Variants in IL1RAPL2 observed in about 807,000 individuals in gnomAD.
IL1RAPL2 encodes the protein interleukin 1 receptor accessory protein like 2.
IL1RAPL2 carries 3 observed loss-of-function variants against 44.1 expected under a neutral mutation model. That is an observed-to-expected ratio of 0.07 (90% CI 0.03 to 0.18). IL1RAPL2 has a LOEUF of 0.18. IL1RAPL2 is among the 10% of genes least tolerant of loss of function. The pLI, the probability that IL1RAPL2 is intolerant of heterozygous loss-of-function variation, is 1.00. For missense variants in IL1RAPL2, 391 were observed against 496.4 expected (o/e 0.79, Z 2.02); for synonymous variants, 181 against 178.8 (o/e 1.01, Z -0.10).
At chrX:105,523,991 AG>A (rs1325880346) in intron 6 of IL1RAPL2, among the ~76,000 whole-genome samples, 1 of 111,704 alleles carries the variant, frequency 9.0e-6, no homozygotes, top group Non-Finnish European at 1.9e-5. Flanking sequence ...AGCTCATCTC[AG>A]GTTTGAATCT....
intron 2 of IL1RAPL2, among the ~76,000 whole-genome samples, chrX:105,108,633 A>C (rs1209971269): frequency 1.1e-5 from 1 of 93,074 alleles, no homozygotes; most frequent in Non-Finnish European, 2.2e-5. Context: ...GAGCCATGGC[A>C]ACCAGCCAAG....
At chrX:104,849,520 C>T (rs1403280782) in intron 2 of IL1RAPL2, among the ~76,000 whole-genome samples, 3 of 107,596 alleles carry the variant, frequency 2.8e-5, no homozygotes, top group Non-Finnish European at 5.8e-5. Flanking sequence ...TAAGTAATAG[C>T]CTTAAATATA....
At chrX:104,902,842 G>A (rs1357117164) in intron 2 of IL1RAPL2, among the ~76,000 whole-genome samples, 3 of 111,364 alleles carry the variant, frequency 2.7e-5, no homozygotes, top group Non-Finnish European at 3.8e-5. Context: ...AGTGAGAAAG[G>A]CATTAGGCAT....
At chrX:104,910,010 G>A (rs934584558) in intron 2 of IL1RAPL2, among the ~76,000 whole-genome samples, 5 of 112,632 alleles carry the variant, frequency 4.4e-5, no homozygotes, top group African/African-American at 6.5e-5. Context: ...GCGAGACTCC[G>A]TGGTTGTAGG....
intron 2 of IL1RAPL2, among the ~76,000 whole-genome samples, chrX:105,044,279 C>A (rs950354580): frequency 9.0e-6 from 1 of 111,204 alleles, no homozygotes; most frequent in South Asian, 3.8e-4. Context: ...CTACCAGATC[C>A]TCCCAAGTGT....
intron 2 of IL1RAPL2, among the ~76,000 whole-genome samples, chrX:105,016,853 CTCTT>C (rs1227167456): frequency 9.0e-6 from 1 of 111,404 alleles, no homozygotes; most frequent in Non-Finnish European, 1.9e-5. Context: ...AGGATTCTCT[CTCTT>C]TCTGTTGTTT....
chrX:105,277,849 G>GA (rs1388645090), intron 5 of IL1RAPL2, among the ~76,000 whole-genome samples: 4 of 106,199 alleles, frequency 3.8e-5, no homozygotes, highest in Admixed American at 1.0e-4. Flanking sequence ...GAGGATCACT[G>GA]AAAAAAAAAG....
intron 2 of IL1RAPL2, among the ~76,000 whole-genome samples, chrX:104,840,980 A>G (rs1422163297): frequency 9.9e-5 from 11 of 111,062 alleles, no homozygotes; most frequent in African/African-American, 3.6e-4. Flanking sequence ...ATGAGCCACC[A>G]CGCCCAGCCT....
chrX:105,214,875 G>A (rs1472225688), intron 3 of IL1RAPL2, among the ~76,000 whole-genome samples: 2 of 111,983 alleles, frequency 1.8e-5, no homozygotes, highest in South Asian at 7.4e-4. Context: ...GGTAAATAAC[G>A]AAATTATGGC....
At chrX:104,773,310 A>G (rs571139412) in intron 2 of IL1RAPL2, among the ~76,000 whole-genome samples, 2 of 112,158 alleles carry the variant, frequency 1.8e-5, no homozygotes, top group South Asian at 7.5e-4. Flanking sequence ...TATCTATATA[A>G]TAATATTGTT....
In IL1RAPL2 at chrX:105,181,346, T is replaced by C. The variant is rs782687185; in HGVS notation, c.83-14129T>C. ...AGTTCTGTTCTGATCTTTTTATTTC[T>C]TTCCTTCTGCTAATTTGGGGCTTGG... On this transcript the variant is annotated intron_variant, in intron 2 of 10. Transcript: ENST00000372582. Among the ~76,000 whole-genome samples, 5 of 112,062 alleles carry C rather than the reference T, an allele frequency of 4.5e-5. No homozygotes were observed. The East Asian group carries it at 8.4e-4, about 19-fold the overall frequency.
chrX:104,934,959 T>C (rs141299774), intron 2 of IL1RAPL2, among the ~76,000 whole-genome samples: 3 of 112,192 alleles, frequency 2.7e-5, no homozygotes, highest in Non-Finnish European at 5.6e-5. Context: ...TGGATTTCAA[T>C]GAGATCAGTA....
At chrX:104,952,261 T>A (rs1370265783) in intron 2 of IL1RAPL2, among the ~76,000 whole-genome samples, 1 of 112,142 alleles carries the variant, frequency 8.9e-6, no homozygotes, top group African/African-American at 3.2e-5. Flanking sequence ...TGCTTTACTC[T>A]GAAGTGACTC....
intron 2 of IL1RAPL2, among the ~76,000 whole-genome samples, chrX:105,146,063 C>G (rs1034834065): frequency 1.8e-5 from 2 of 111,401 alleles, no homozygotes; most frequent in Non-Finnish European, 3.8e-5. Flanking sequence ...AAGCCCTCAC[C>G]AGACACAAAA....
At position 105,504,994 on chromosome X, in the gene IL1RAPL2, A is replaced by G. The variant is rs753789463; in HGVS notation, c.772+20607A>G. Among the ~76,000 whole-genome samples, 5 of 111,203 alleles carry G rather than the reference A, an allele frequency of 4.5e-5. No homozygotes were observed. The East Asian group carries it at 1.1e-3, about 26-fold the overall frequency. ...CCAGTAAATAGAGGTGTAGCATACA[A>G]GTCTATTGTAATTCCTATATCCTTA... On this transcript the variant is annotated intron_variant, in intron 6 of 10. Coordinates refer to ENST00000372582, the MANE Select transcript of IL1RAPL2 (RefSeq NM_017416.2).
At chrX:105,156,856 T>C (rs1481895570) in intron 2 of IL1RAPL2, among the ~76,000 whole-genome samples, 2 of 111,420 alleles carry the variant, frequency 1.8e-5, no homozygotes, top group Non-Finnish European at 3.8e-5. Flanking sequence ...CAATTACACG[T>C]TACCTTAAAT....
intron 2 of IL1RAPL2, among the ~76,000 whole-genome samples, chrX:104,743,277 G>A (rs1043246297): frequency 8.3e-5 from 9 of 108,049 alleles, no homozygotes; most frequent in African/African-American, 3.0e-4. Context: ...CCACTTATTT[G>A]CTTCAGACCT....
intron 5 of IL1RAPL2, among the ~76,000 whole-genome samples, chrX:105,403,306 GCA>G (rs2035618650): frequency 9.0e-6 from 1 of 111,564 alleles, no homozygotes; most frequent in East Asian, 2.8e-4. Context: ...GACTATAAAT[GCA>G]CAGTTTATTA....
chrX:105,232,712 T>C (rs1463034536), intron 3 of IL1RAPL2, among the ~76,000 whole-genome samples: 1 of 112,188 alleles, frequency 8.9e-6, no homozygotes, highest in African/African-American at 3.2e-5. Context: ...TTGTAGTTAG[T>C]TAGATTAATT....
Sources: allele counts gnomAD v4.1 joint callset (sites outside exome capture counted in the v4.1 genomes callset), GRCh38; gene constraint gnomAD v4.1.1; transcripts MANE v1.5; gene names NCBI Gene and HGNC (gene_info 2026-07-23, HGNC 2026-07-21).